The following LTBP4 variants were observed in gnomAD, a reference collection of about 807,000 sequenced individuals.
LTBP4 encodes latent transforming growth factor beta binding protein 4.
A neutral mutation model predicts 180.2 loss-of-function variants in LTBP4; 93 were observed. The ratio of observed to expected loss-of-function variants is 0.52; its 90% CI spans 0.44 to 0.61. LTBP4 has a LOEUF of 0.61. Among genes scored for constraint, LTBP4 ranks in the 20% least tolerant of loss-of-function variants. The probability of loss-of-function intolerance (pLI) is 0.00; values close to 1 mark genes in which losing one functional copy is unlikely to be tolerated. For synonymous variants in LTBP4, 947 were observed against 934.5 expected (o/e 1.01, Z -0.24); for missense variants, 2,116 against 2,256.5 (o/e 0.94, Z 1.26).
intron 28 of LTBP4, 41 bp from the exon 29 acceptor site, chr19:40,627,664 G>C (rs747504690): frequency 2.6e-6 from 4 of 1,557,100 alleles, no homozygotes; most frequent in Non-Finnish European, 3.5e-6. Flanking sequence ...AAGGGGTGAA[G>C]GCAGGGACCT....
chr19:40,622,811 G>T lies in LTBP4; in HGVS notation c.3485-139G>T. ...GCAAGGGCGAGCTGCCAGGCAGGTG[G>T]GCATGGGCAGACATAAGGCTGAGAG... On this transcript the variant is annotated intron_variant, in intron 23 of 29. Coordinates refer to ENST00000396819, the MANE Select transcript of LTBP4 (RefSeq NM_001042545.2). The surrounding 1 kb of genome is among the most constrained non-coding windows in gnomAD (Gnocchi z 5.1). The T allele has an allele frequency of 1.4e-6, 2 of 1,383,014 alleles. 1 individual carries two copies. The highest frequency in any genetic ancestry group is 2.8e-5 in the South Asian group (2 of 72,560). The allele number at this position is 1,383,014 out of a possible 1,614,324, so 85.7% of individuals were successfully genotyped here. A position where few individuals can be genotyped will look rare whatever the true frequency, so the allele number is the denominator to read the frequency against.
At chr19:40,603,879 T>G (rs2081440256) in intron 1 of LTBP4, among the ~76,000 whole-genome samples, 1 of 152,198 alleles carries the variant, frequency 6.6e-6, no homozygotes, top group Non-Finnish European at 1.5e-5. Flanking sequence ...GCCTCCGCCC[T>G]GCCCCCGCCG....
At position 40,627,861 on chromosome 19, in the gene LTBP4, A is replaced by T; in HGVS notation, c.4519+4A>T. 1 of 1,559,184 alleles carries T rather than the reference A, an allele frequency of 6.4e-7. No homozygotes were observed. The highest frequency in any genetic ancestry group is 8.6e-7 in the Non-Finnish European group (1 of 1,158,764). On this transcript the variant is annotated splice_donor_region_variant and intron_variant, in intron 29 of 29. Coordinates refer to ENST00000396819, the MANE Select transcript of LTBP4 (RefSeq NM_001042545.2). ...ATGACCCGCATGGCCTGCGTTGGTGAGGGCGGGCCCGGGGCCAGCATGCGC... is the reference window on the plus strand; with the variant it reads ...ATGACCCGCATGGCCTGCGTTGGTGTGGGCGGGCCCGGGGCCAGCATGCGC...
Position 40,601,482 on chromosome 19 carries a change from T to C in LTBP4, c.95T>C (p.Leu32Pro). 1 of 1,493,968 alleles carries C rather than the reference T, an allele frequency of 6.7e-7. No individual in the cohort carries two copies. The highest frequency in any genetic ancestry group is 8.9e-7 in the Non-Finnish European group (1 of 1,128,432). 92.5% of individuals were successfully genotyped at this position (1,493,968 alleles called of 1,614,324 possible). ...GGACTGGGCCGGCTCGGAGAGCGTC[T>C]CCGCGTGCGCTTCACCCCGGTCGTG... ...QPGLGRLGER[L>P]RVRFTPVVCG... is the part of the protein sequence containing the mutation. Residue 32 changes from leucine to proline, a missense_variant, in exon 1 of 30, where the codon CTC (leucine) becomes CCC (proline). Around this residue, in one of 5 missense-constraint regions of LTBP4, gnomAD observed 469 missense variants for 532.5 expected, o/e 0.88. Transcript: ENST00000396819.
Position 40,612,370 on chromosome 19 carries a change from T to C in LTBP4, c.2299+178T>C, listed in dbSNP as rs370249806. On this transcript the variant is annotated intron_variant, in intron 15 of 29. Transcript: ENST00000396819. ...AACTCTTGACCCTGAATGTGACTCC[T>C]GAGACCCAACTTGACAGTAACATTT... Among the ~76,000 whole-genome samples, 10 of 152,302 alleles carry C rather than the reference T, an allele frequency of 6.6e-5. No individual in the cohort carries two copies. In the South Asian group the frequency reaches 2.1e-3, roughly 32 times the overall value.
intron 18 of LTBP4, 134 bp downstream of exon 18, chr19:40,614,172 C>T (rs1340845920): frequency 2.8e-6 from 4 of 1,440,316 alleles, no homozygotes; most frequent in Non-Finnish European, 3.8e-6. Context: ...CTCCTAGCCT[C>T]CCCAACTCTC....
At chr19:40,599,591 C>T, upstream of LTBP4, 2 of 1,584,966 alleles carry the variant, frequency 1.3e-6, no homozygotes, top group African/African-American at 1.3e-5. Context: ...CAAATCCTCC[C>T]TCAGGAACTC....
chr19:40,609,763 C>T lies in LTBP4; in HGVS notation c.1576C>T (p.Arg526Cys). ...TRCIDVDECR[R>C]VPPPCAPGRC... Reference sequence around the variant, plus strand: ...GTCCTCAGATGTGGACGAATGTCGCCGCGTGCCCCCGCCCTGTGCTCCCGG... The same window carrying T: ...GTCCTCAGATGTGGACGAATGTCGCTGCGTGCCCCCGCCCTGTGCTCCCGG... The change falls in exon 11 of 30, where the codon CGC (arginine) becomes TGC (cysteine). Residue 526 changes from arginine to cysteine, a missense_variant. Arg to Cys is a radical substitution (Grantham distance 180). Around this residue, in one of 5 missense-constraint regions of LTBP4, gnomAD observed 877 missense variants for 873.6 expected, o/e 1.00. Coordinates refer to ENST00000396819, the MANE Select transcript of LTBP4 (RefSeq NM_001042545.2). The surrounding 1 kb of genome is among the most constrained non-coding windows in gnomAD (Gnocchi z 4.9). 6.2e-7 allele frequency: 1 copy of T among 1,611,996 alleles called. No homozygotes were observed. Among genetic ancestry groups the T allele is most frequent in the Middle Eastern group, 1.7e-4 (1 of 6,056 alleles).
upstream of LTBP4, chr19:40,601,360 C>T: frequency 2.6e-6 from 3 of 1,139,872 alleles, no homozygotes; most frequent in Non-Finnish European, 3.2e-6. Context: ...GCTGGGGCGG[C>T]GGCGCGGCGG....
Position 40,612,093 on chromosome 19 carries a change from C to T in LTBP4, c.2200C>T (p.His734Tyr), listed in dbSNP as rs769401025. ...ECEDVDECEN[H>Y]LACPGQECVN... ...CCCAGATGTGGATGAGTGTGAGAACCACCTCGCATGCCCTGGGCAGGAGTG... is the reference window on the plus strand; with the variant it reads ...CCCAGATGTGGATGAGTGTGAGAACTACCTCGCATGCCCTGGGCAGGAGTG... Residue 734 changes from histidine (H) to tyrosine (Y), a missense_variant, in exon 15 of 30, where the codon CAC becomes TAC. Transcript: ENST00000396819. 6.2e-7 allele frequency: 1 copy of T among 1,613,620 alleles called. No individual in the cohort carries two copies. Among genetic ancestry groups the T allele is most frequent in the Non-Finnish European group, 8.5e-7 (1 of 1,179,748 alleles).
chr19:40,596,065 C>T (rs1473169962), intron 1 of LTBP4, among the ~76,000 whole-genome samples: 3 of 151,528 alleles, frequency 2.0e-5, no homozygotes, highest in Admixed American at 2.0e-4. Context: ...GGATTACAGG[C>T]GCCCACCACT....
At chr19:40,615,555 C>T (rs897915820) in intron 19 of LTBP4, among the ~76,000 whole-genome samples, 4 of 152,236 alleles carry the variant, frequency 2.6e-5, no homozygotes, top group Admixed American at 2.6e-4. Flanking sequence ...GTCAGGAGAT[C>T]GAGACTAGCC....
At chr19:40,615,768 T>G (rs926888840) in intron 19 of LTBP4, among the ~76,000 whole-genome samples, 1 of 151,978 alleles carries the variant, frequency 6.6e-6, no homozygotes, top group Non-Finnish European at 1.5e-5. Flanking sequence ...AAAAAAAAAT[T>G]TATACAACAA....
intron 25 of LTBP4, 52 bp from the exon 26 acceptor site, chr19:40,623,884 G>T (rs2081605026): frequency 1.2e-6 from 2 of 1,605,766 alleles, no homozygotes; most frequent in Admixed American, 1.7e-5. Flanking sequence ...AAGAGAAATG[G>T]GAAAGGGTGG....
chr19:40,621,459 C>G (rs568541134), intron 22 of LTBP4, among the ~76,000 whole-genome samples: 1 of 152,294 alleles, frequency 6.6e-6, no homozygotes, highest in Non-Finnish European at 1.5e-5. Context: ...TGATTTCATT[C>G]TTTTTCATGG....
chr19:40,627,931 G>C, intron 29 of LTBP4, 74 bp downstream of exon 29: 1 of 1,499,762 alleles, frequency 6.7e-7, no homozygotes, highest in Non-Finnish European at 8.9e-7. Flanking sequence ...GCCCTGACTA[G>C]GGGGTGCTGG....
Position 40,612,856 on chromosome 19 carries a change from T to C in LTBP4, c.2300-209T>C, listed in dbSNP as rs375421603. ...GACTCCAAAATCCTGGCACAGGTAGTTCCTAGAAACCTAGACCCACAGGAC... is the reference window on the plus strand; with the variant it reads ...GACTCCAAAATCCTGGCACAGGTAGCTCCTAGAAACCTAGACCCACAGGAC... On this transcript the variant is annotated intron_variant, in intron 15 of 29. Transcript: ENST00000396819. Among the ~76,000 whole-genome samples, 29 of 152,308 alleles carry C rather than the reference T, an allele frequency of 1.9e-4. 1 individual carries two copies. Among genetic ancestry groups the C allele is most frequent in the African/African-American group, 7.0e-4 (29 of 41,562 alleles).
chr19:40,603,482 G>C (rs374281156), intron 1 of LTBP4, among the ~76,000 whole-genome samples: 104 of 152,284 alleles, frequency 6.8e-4, no homozygotes, highest in African/African-American at 2.5e-3. Context: ...GGCGGCACTA[G>C]AGTCCTGTTT....
At chr19:40,616,498 C>T (rs1599871518) in intron 19 of LTBP4, among the ~76,000 whole-genome samples, 1 of 151,880 alleles carries the variant, frequency 6.6e-6, no homozygotes, top group African/African-American at 2.4e-5. Context: ...TTGAGGAGGC[C>T]GAGGTGGACA....
Sources: gnomAD v4.1 joint callset for allele counts (sites outside exome capture counted in the v4.1 genomes callset) on GRCh38, gnomAD v4.1.1 for gene constraint, gnomAD v4.1.1 regional missense constraint, Gnocchi (gnomAD v3.1) non-coding constraint, MANE v1.5 for transcripts, NCBI Gene and HGNC (gene_info 2026-07-23, HGNC 2026-07-21) for gene names.